KDM6A: variants seen among roughly 807,000 people sequenced by gnomAD.
KDM6A encodes lysine demethylase 6A.
Under a neutral mutation model 117.6 loss-of-function variants are expected in KDM6A, and 11 were observed. That is an observed-to-expected ratio of 0.09 (90% CI 0.06 to 0.15). KDM6A has a LOEUF of 0.15. KDM6A is among the 10% of genes least tolerant of loss of function. The pLI is 1.00. For synonymous variants in KDM6A, 384 were observed against 396.1 expected (o/e 0.97, Z 0.36); for missense variants, 799 against 1,077.3 (o/e 0.74, Z 3.62).
chrX:44,997,809 A>G (rs187388351), intron 4 of KDM6A, among the ~76,000 whole-genome samples: 2 of 112,505 alleles, frequency 1.8e-5, no homozygotes, highest in Non-Finnish European at 1.9e-5. Context: ...TTTTTAAAGG[A>G]TAGACAGGAA....
At position 45,095,920 on chromosome X, in the gene KDM6A, C is replaced by T. The variant is rs139364922; in HGVS notation, c.4034+5056C>T. Among the ~76,000 whole-genome samples, 664 of 112,238 alleles carry T rather than the reference C, an allele frequency of 5.9e-3. 5 individuals carry two copies. The highest frequency in any genetic ancestry group is 0.02 in the African/African-American group (623 of 30,928). ...CTTGCCTTGTCAGCCATTTCTCCCACTGCTGCTTTTAAATGTGTGCTTGAA... is the reference window on the plus strand; with the variant it reads ...CTTGCCTTGTCAGCCATTTCTCCCATTGCTGCTTTTAAATGTGTGCTTGAA... On this transcript the variant is annotated intron_variant, in intron 27 of 29. Coordinates refer to ENST00000611820, the MANE Select transcript of KDM6A (RefSeq NM_001291415.2).
intron 18 of KDM6A, among the ~76,000 whole-genome samples, chrX:45,071,199 T>C (rs1317294783): frequency 8.9e-6 from 1 of 112,485 alleles, no homozygotes; most frequent in African/African-American, 3.2e-5. Flanking sequence ...TTCTGATACA[T>C]TAAATGTTAA....
At chrX:45,098,037 CT>C (rs2046183525) in intron 27 of KDM6A, among the ~76,000 whole-genome samples, 1 of 111,978 alleles carries the variant, frequency 8.9e-6, no homozygotes, top group Admixed American at 9.5e-5. Context: ...ATAACTTTCT[CT>C]TTTGACTTCA....
chrX:44,983,577 C>T (rs1343910464), intron 4 of KDM6A, among the ~76,000 whole-genome samples: 4 of 89,388 alleles, frequency 4.5e-5, no homozygotes, highest in Non-Finnish European at 8.8e-5. Context: ...CCCCACCCCA[C>T]GACAGGCCCC....
intron 2 of KDM6A, among the ~76,000 whole-genome samples, chrX:44,906,939 T>C (rs1210376291): frequency 2.7e-5 from 3 of 112,009 alleles, no homozygotes; most frequent in African/African-American, 9.8e-5. Context: ...TCTTCTCTTA[T>C]TTATCATCAC....
chrX:44,967,199 T>C (rs1008626778), intron 3 of KDM6A, among the ~76,000 whole-genome samples: 1 of 111,340 alleles, frequency 9.0e-6, no homozygotes, highest in Non-Finnish European at 1.9e-5. Flanking sequence ...GTTCTCTTCA[T>C]TGTCTTTCTC....
chrX:44,920,592 C>G (rs1221614909), intron 2 of KDM6A, among the ~76,000 whole-genome samples: 3 of 109,529 alleles, frequency 2.7e-5, no homozygotes, highest in Non-Finnish European at 5.7e-5. Context: ...GCGCCCGTCA[C>G]CACGCCTGGC....
At chrX:45,027,203 C>T (rs2042404962) in intron 6 of KDM6A, among the ~76,000 whole-genome samples, 1 of 108,910 alleles carries the variant, frequency 9.2e-6, no homozygotes, top group African/African-American at 3.4e-5. Flanking sequence ...GGGCTGGGCT[C>T]AGTAGCTTAT....
chrX:44,971,955 G>A (rs894263885), intron 3 of KDM6A, among the ~76,000 whole-genome samples: 2 of 110,175 alleles, frequency 1.8e-5, no homozygotes, highest in Non-Finnish European at 3.8e-5. Flanking sequence ...AAGGGTGAAC[G>A]GCACAGAGAA....
chrX:44,958,877 C>T (rs1443939530), intron 2 of KDM6A, among the ~76,000 whole-genome samples: 1 of 110,887 alleles, frequency 9.0e-6, no homozygotes, highest in Non-Finnish European at 1.9e-5. Flanking sequence ...TATGTATCTT[C>T]TGTTATCATT....
intron 2 of KDM6A, among the ~76,000 whole-genome samples, chrX:44,935,731 C>T (rs187630466): frequency 9.0e-6 from 1 of 111,593 alleles, no homozygotes; most frequent in Admixed American, 9.5e-5. Flanking sequence ...TACTTTGGCA[C>T]TATAAATATC....
chrX:45,025,739 T>G (rs2042341293), intron 6 of KDM6A, among the ~76,000 whole-genome samples: 1 of 112,361 alleles, frequency 8.9e-6, no homozygotes, highest in Non-Finnish European at 1.9e-5. Context: ...TTCCCTAATG[T>G]TTACATATTT....
At position 44,873,348 on chromosome X, in the gene KDM6A, A is replaced by C. The variant is rs2031013514; in HGVS notation, c.-204A>C. ...CTACAGCCGAAAGCCGCCGCTGCCG[A>C]CCCGGGGGCTCCGCAGCCCCTGCCG... On this transcript the variant is annotated 5_prime_UTR_variant, in exon 1 of 30. Coordinates refer to ENST00000611820, the MANE Select transcript of KDM6A (RefSeq NM_001291415.2). 4.4e-6 allele frequency: 2 copies of C among 451,330 alleles called. No homozygotes were observed. The highest frequency in any genetic ancestry group is 3.6e-5 in the South Asian group (1 of 27,472). 37.2% of individuals were successfully genotyped at this position (451,330 alleles called of 1,213,427 possible).
At chrX:45,050,455 A>G (rs750901689) in intron 8 of KDM6A, among the ~76,000 whole-genome samples, 48 of 112,178 alleles carry the variant, frequency 4.3e-4, no homozygotes, top group African/African-American at 1.6e-3. Context: ...CATTAGGACA[A>G]CCCTGTAGGT....
chrX:44,972,227 A>G (rs1246314261), intron 3 of KDM6A, among the ~76,000 whole-genome samples: 1 of 110,952 alleles, frequency 9.0e-6, no homozygotes, highest in Admixed American at 9.6e-5. Flanking sequence ...AAACCTATAT[A>G]TGGTTTAAAG....
In KDM6A at chrX:44,914,273, C is replaced by T. The variant is rs759307557; in HGVS notation, c.225+40286C>T. The stretch of plus-strand genomic sequence containing the variant: ...GGGGGGTCAGCACGCCTATCTGCCT[C>T]GTTATTTAAGGGTCATTTGTACTTA... On this transcript the variant is annotated intron_variant, in intron 2 of 29. Transcript: ENST00000611820. 5.4e-5 allele frequency among the ~76,000 whole-genome samples: 6 copies of T among 111,986 alleles called. No individual in the cohort carries two copies. In the South Asian group the frequency reaches 1.8e-3, roughly 34 times the overall value.
chrX:45,001,498 C>A (rs900267691), intron 4 of KDM6A, among the ~76,000 whole-genome samples: 1 of 110,804 alleles, frequency 9.0e-6, no homozygotes, highest in Non-Finnish European at 1.9e-5. Flanking sequence ...TTAAGTGGTC[C>A]CAATTTACTA....
intron 8 of KDM6A, among the ~76,000 whole-genome samples, chrX:45,043,444 A>G (rs1349202558): frequency 9.0e-6 from 1 of 111,608 alleles, no homozygotes; most frequent in African/African-American, 3.3e-5. Flanking sequence ...TTATGATCTT[A>G]TAGACAAAGC....
At chrX:44,911,161 C>T (rs1317766120) in intron 2 of KDM6A, among the ~76,000 whole-genome samples, 10 of 102,183 alleles carry the variant, frequency 9.8e-5, no homozygotes, top group Admixed American at 9.1e-4. Context: ...GGCGGCTGGC[C>T]GGGCGGGGGC....
Sources: gnomAD v4.1 joint callset for allele counts (sites outside exome capture counted in the v4.1 genomes callset) on GRCh38, gnomAD v4.1.1 for gene constraint, MANE v1.5 for transcripts, NCBI Gene and HGNC (gene_info 2026-07-23, HGNC 2026-07-21) for gene names.